The following VPS13B variants were observed in gnomAD, a reference collection of about 807,000 sequenced individuals.
VPS13B encodes the protein vacuolar protein sorting 13 homolog B.
A neutral mutation model predicts 426.4 loss-of-function variants in VPS13B; 285 were observed. The ratio of observed to expected loss-of-function variants is 0.67; its 90% confidence interval spans 0.61 to 0.74. The LOEUF (loss-of-function observed/expected upper bound fraction) is 0.74, where lower values mean the gene tolerates loss of function less well. Among genes scored for constraint, VPS13B ranks in the 30% least tolerant of loss-of-function variants. The probability of loss-of-function intolerance (pLI) is 0.00; values close to 1 mark genes in which losing one functional copy is unlikely to be tolerated. For synonymous variants in VPS13B, 1,676 were observed against 1,676.4 expected (o/e 1.00, Z 0.01); for missense variants, 4,537 against 4,782.6 (o/e 0.95, Z 1.51).
chr8:99,391,523 A>G (rs747174589), intron 20 of VPS13B, 34 bp from the exon 21 acceptor site: 1 of 1,613,984 alleles, frequency 6.2e-7, no homozygotes, highest in South Asian at 1.1e-5. Flanking sequence ...GAAAAACTAA[A>G]AACTAAAAAG....
intron 19 of VPS13B, among the ~76,000 whole-genome samples, chr8:99,318,565 G>A (rs1041728721): frequency 6.6e-6 from 1 of 151,998 alleles, no homozygotes; most frequent in African/African-American, 2.4e-5. Flanking sequence ...TGTTACCCAG[G>A]CTAGAGTGCA....
At chr8:99,319,701 A>G (rs1809870783) in intron 19 of VPS13B, among the ~76,000 whole-genome samples, 2 of 152,190 alleles carry the variant, frequency 1.3e-5, no homozygotes, top group South Asian at 4.1e-4. Flanking sequence ...AACAAAGAGA[A>G]AGTCTACAGG....
chr8:99,642,631 T>C (rs946138488), intron 34 of VPS13B, 133 bp downstream of exon 34: 45 of 778,752 alleles, frequency 5.8e-5, no homozygotes, highest in Middle Eastern at 3.6e-4. Flanking sequence ...GGAAAGTTCA[T>C]GTTCCACAGC....
intron 3 of VPS13B, among the ~76,000 whole-genome samples, chr8:99,090,135 T>C (rs1846059512): frequency 6.6e-6 from 1 of 152,088 alleles, no homozygotes. Context: ...TCAGATAGTT[T>C]TGGGGGCTAA....
chr8:99,583,784 AC>A (rs1826184329), intron 33 of VPS13B, among the ~76,000 whole-genome samples: 1 of 152,264 alleles, frequency 6.6e-6, no homozygotes, highest in South Asian at 2.1e-4. Flanking sequence ...GAAATGAATA[AC>A]CAAAATGCAT....
intron 19 of VPS13B, chr8:99,347,322 A>T (rs79586563): frequency 0.012 from 1,801 of 153,160 alleles, 16 homozygotes; most frequent in Non-Finnish European, 0.019. Context: ...GTCGGGGTAA[A>T]GGGCTTATTT....
intron 33 of VPS13B, among the ~76,000 whole-genome samples, chr8:99,635,254 C>T (rs890573562): frequency 7.2e-5 from 11 of 151,926 alleles, no homozygotes; most frequent in South Asian, 2.1e-4. Context: ...ATAGCAAGGG[C>T]GGTAAAATTA....
intron 21 of VPS13B, 98 bp from the exon 22 acceptor site, chr8:99,431,433 ATAATTT>A: frequency 7.2e-7 from 1 of 1,398,538 alleles, no homozygotes; most frequent in Non-Finnish European, 9.8e-7. Flanking sequence ...TATAAAAATT[ATAATTT>A]TAAGCAAGGA....
intron 23 of VPS13B, among the ~76,000 whole-genome samples, chr8:99,450,280 C>G (rs952769708): frequency 1.3e-5 from 2 of 152,130 alleles, no homozygotes; most frequent in Non-Finnish European, 2.9e-5. Context: ...GAAACCAAGT[C>G]AGGATAACTA....
intron 25 of VPS13B, among the ~76,000 whole-genome samples, chr8:99,501,398 CTACTCTATAGGAACA>C (rs1484889795): frequency 1.3e-5 from 2 of 152,118 alleles, no homozygotes; most frequent in East Asian, 3.9e-4. Context: ...CTTGCAGACT[CTACTCTATAGGAACA>C]TACTCATTGG....
At chr8:99,283,232 A>G (rs1819261913) in intron 19 of VPS13B, among the ~76,000 whole-genome samples, 1 of 152,206 alleles carries the variant, frequency 6.6e-6, no homozygotes, top group Admixed American at 6.5e-5. Flanking sequence ...ATGAGTAAGA[A>G]TGCTTATATA....
At chr8:99,511,022 C>G (rs1216993636) in intron 28 of VPS13B, 82 bp from the exon 29 acceptor site, 4 of 1,488,234 alleles carry the variant, frequency 2.7e-6, no homozygotes, top group Non-Finnish European at 3.7e-6. Flanking sequence ...AAAATACTCA[C>G]TGAGGTCATT....
intron 31 of VPS13B, among the ~76,000 whole-genome samples, chr8:99,574,007 G>T (rs1291687070): frequency 1.3e-5 from 2 of 152,024 alleles, no homozygotes; most frequent in South Asian, 2.1e-4. Flanking sequence ...CCTTGAAGAG[G>T]TCCTTCCCAT....
At chr8:99,523,861 T>C (rs1822506738) in intron 30 of VPS13B, among the ~76,000 whole-genome samples, 1 of 151,934 alleles carries the variant, frequency 6.6e-6, no homozygotes, top group African/African-American at 2.4e-5. Context: ...ATCAAAACCA[T>C]TGAGGAAAAC....
At chr8:99,146,778 G>C (rs201103995) in intron 13 of VPS13B, among the ~76,000 whole-genome samples, 1 of 152,008 alleles carries the variant, frequency 6.6e-6, no homozygotes, top group Non-Finnish European at 1.5e-5. Flanking sequence ...TTACTATGTT[G>C]CCCAGGCTTA....
At chr8:99,677,170 C>A (rs1420318963) in intron 35 of VPS13B, among the ~76,000 whole-genome samples, 1 of 152,194 alleles carries the variant, frequency 6.6e-6, no homozygotes, top group South Asian at 2.1e-4. Context: ...GTTCATCTTA[C>A]CCAAAATATC....
At chr8:99,181,075 G>A (rs1039613987) in intron 16 of VPS13B, among the ~76,000 whole-genome samples, 33 of 152,206 alleles carry the variant, frequency 2.2e-4, no homozygotes, top group African/African-American at 7.9e-4. Flanking sequence ...TTTGTCCTTA[G>A]ATATAATTAA....
At chr8:99,836,527 A>T (rs767457801) in intron 54 of VPS13B, among the ~76,000 whole-genome samples, 2 of 151,062 alleles carry the variant, frequency 1.3e-5, no homozygotes, top group Non-Finnish European at 2.9e-5. Context: ...AATATTCATC[A>T]TTTTGTGTCT....
chr8:99,449,426 A>G (rs1429849274), intron 23 of VPS13B, among the ~76,000 whole-genome samples: 3 of 152,234 alleles, frequency 2.0e-5, no homozygotes, highest in South Asian at 4.1e-4. Flanking sequence ...TGCTGCATAT[A>G]TGGATCTAGA....
Sources: gnomAD v4.1 joint callset for allele counts (sites outside exome capture counted in the v4.1 genomes callset) on GRCh38, gnomAD v4.1.1 for gene constraint, MANE v1.5 for transcripts, NCBI Gene and HGNC (gene_info 2026-07-23, HGNC 2026-07-21) for gene names.